GSG1L: variants seen among roughly 807,000 people sequenced by gnomAD.
GSG1L encodes GSG1 like, also known as germ cell-specific gene 1-like protein.
A neutral mutation model predicts 42.1 loss-of-function variants in GSG1L; 24 were observed. That is an observed-to-expected ratio of 0.57 (90% confidence interval 0.41 to 0.80). The LOEUF is 0.80. GSG1L is among the 30% of genes least tolerant of loss of function. GSG1L has a pLI of 0.00. For synonymous variants in GSG1L, 215 were observed against 203.5 expected (o/e 1.06, Z -0.48); for missense variants, 445 against 472.2 (o/e 0.94, Z 0.53).
At chr16:27,807,282 C>T (rs1022348035) in intron 6 of GSG1L, among the ~76,000 whole-genome samples, 4 of 152,154 alleles carry the variant, frequency 2.6e-5, no homozygotes, top group East Asian at 1.9e-4. Flanking sequence ...CATCCCATCC[C>T]GACTGGGAAG....
At chr16:27,829,523 C>A (rs1210191607) in intron 4 of GSG1L, among the ~76,000 whole-genome samples, 1 of 152,132 alleles carries the variant, frequency 6.6e-6, no homozygotes, top group Non-Finnish European at 1.5e-5. Flanking sequence ...GGGAAAGATG[C>A]CAACCCTTTC....
chr16:28,007,874 G>A (rs205367), intron 1 of GSG1L, among the ~76,000 whole-genome samples: 107,538 of 151,948 alleles, frequency 0.71, 38,350 homozygotes, highest in South Asian at 0.91. Context: ...CTGGTGTATG[G>A]CAGATGCAAT....
At chr16:27,910,357 G>A (rs1944278234) in intron 2 of GSG1L, among the ~76,000 whole-genome samples, 1 of 152,124 alleles carries the variant, frequency 6.6e-6, no homozygotes. Flanking sequence ...ATAAGAAAGA[G>A]TATTTATAAA....
chr16:27,867,824 C>A (rs1277119186), intron 3 of GSG1L, among the ~76,000 whole-genome samples: 3 of 152,228 alleles, frequency 2.0e-5, no homozygotes, highest in Non-Finnish European at 2.9e-5. Context: ...CCCCTGAGGC[C>A]AGCCACTTCC....
At chr16:27,888,134 G>A in intron 2 of GSG1L, 2 of 985,566 alleles carry the variant, frequency 2.0e-6, no homozygotes, top group Non-Finnish European at 2.4e-6. Context: ...CCTCATCATG[G>A]CGCTGCTCAC....
intron 5 of GSG1L, among the ~76,000 whole-genome samples, chr16:27,827,165 G>T (rs1198037304): frequency 6.6e-6 from 1 of 152,182 alleles, no homozygotes; most frequent in Non-Finnish European, 1.5e-5. Context: ...TGGGCACAGG[G>T]CCTGGCACAT....
chr16:27,816,586 G>A (rs1305096263), intron 5 of GSG1L, among the ~76,000 whole-genome samples: 1 of 152,210 alleles, frequency 6.6e-6, no homozygotes, highest in Non-Finnish European at 1.5e-5. Flanking sequence ...TGGTAGCCTG[G>A]CTGTCCAATA....
At chr16:27,893,066 G>A (rs1052834975) in intron 2 of GSG1L, among the ~76,000 whole-genome samples, 1 of 152,072 alleles carries the variant, frequency 6.6e-6, no homozygotes, top group African/African-American at 2.4e-5. Flanking sequence ...CCATAATGGT[G>A]GGGATGATTG....
intron 2 of GSG1L, among the ~76,000 whole-genome samples, chr16:27,914,513 T>TTTTTC (rs760387948): frequency 6.7e-6 from 1 of 150,140 alleles, no homozygotes; most frequent in Non-Finnish European, 1.5e-5. Context: ...TTTCTTTTCC[T>TTTTTC]TTTTCTTTTC....
chr16:27,965,345 TAATTA>T (rs2085119231), intron 1 of GSG1L, among the ~76,000 whole-genome samples: 1 of 152,118 alleles, frequency 6.6e-6, no homozygotes, highest in South Asian at 2.1e-4. Context: ...AAATTTAATT[TAATTA>T]AATTTTTAAG....
chr16:27,823,339 A>G (rs1468679991), intron 5 of GSG1L, among the ~76,000 whole-genome samples: 2 of 152,102 alleles, frequency 1.3e-5, no homozygotes, highest in African/African-American at 4.8e-5. Flanking sequence ...ACGCACACAG[A>G]CGCGCACACA....
chr16:28,010,874 C>T (rs1454515135), intron 1 of GSG1L, among the ~76,000 whole-genome samples: 1 of 152,172 alleles, frequency 6.6e-6, no homozygotes, highest in East Asian at 1.9e-4. Flanking sequence ...CTGCCTCTGA[C>T]AGGAAGTTTG....
chr16:27,834,716 T>G (rs1030083360), intron 4 of GSG1L, among the ~76,000 whole-genome samples: 5 of 152,164 alleles, frequency 3.3e-5, no homozygotes, highest in African/African-American at 1.2e-4. Context: ...TAGAGTTGTT[T>G]GTAGTATGAT....
intron 1 of GSG1L, among the ~76,000 whole-genome samples, chr16:28,020,431 G>C (rs1023240597): frequency 2.6e-5 from 4 of 152,166 alleles, no homozygotes; most frequent in African/African-American, 9.7e-5. Flanking sequence ...AAACAATAAC[G>C]ATAACTAGTG....
At chr16:28,041,278 C>T (rs570590338) in intron 1 of GSG1L, among the ~76,000 whole-genome samples, 3 of 152,070 alleles carry the variant, frequency 2.0e-5, no homozygotes, top group Non-Finnish European at 4.4e-5. Context: ...GAGTGAAACC[C>T]CTTCTCTACA....
intron 5 of GSG1L, among the ~76,000 whole-genome samples, chr16:27,822,510 G>C (rs982711857): frequency 1.3e-5 from 2 of 152,084 alleles, no homozygotes; most frequent in South Asian, 4.2e-4. Flanking sequence ...TTGATCCCCC[G>C]GACTCAAGTG....
intron 1 of GSG1L, among the ~76,000 whole-genome samples, chr16:27,972,032 C>G (rs2085198785): frequency 6.6e-6 from 1 of 152,196 alleles, no homozygotes; most frequent in African/African-American, 2.4e-5. Context: ...TAAAATCTTC[C>G]CAGCTCTCTG....
intron 2 of GSG1L, among the ~76,000 whole-genome samples, chr16:27,915,196 T>TACAC (rs66820312): frequency 0.25 from 30,679 of 121,418 alleles, 4,130 homozygotes; most frequent in Non-Finnish European, 0.31. Flanking sequence ...CCAGAGGATG[T>TACAC]ACACACACAC....
chr16:27,792,149 C>T (rs1423592915), intron 6 of GSG1L, among the ~76,000 whole-genome samples: 1 of 152,138 alleles, frequency 6.6e-6, no homozygotes, highest in Admixed American at 6.5e-5. Flanking sequence ...TGCCATCTGC[C>T]CCCAAGCAGG....
Sources: allele counts gnomAD v4.1 joint callset (sites outside exome capture counted in the v4.1 genomes callset), GRCh38; gene constraint gnomAD v4.1.1; transcripts MANE v1.5; gene names NCBI Gene and HGNC (gene_info 2026-07-23, HGNC 2026-07-21).